The following PRKN variants were observed in gnomAD, a reference collection of about 807,000 sequenced individuals.
PRKN encodes the protein E3 ubiquitin-protein ligase parkin.
In PRKN, 56 loss-of-function variants were observed where a neutral mutation model predicts 59.5. The observed-to-expected ratio is 0.94, with a 90% CI of 0.76 to 1.18. PRKN has a LOEUF of 1.18. Ranked by LOEUF, PRKN falls within the 50% of genes most tolerant of loss-of-function variation. The probability of loss-of-function intolerance (pLI) is 0.00; values close to 1 mark genes in which losing one functional copy is unlikely to be tolerated. For missense variants in PRKN, 657 were observed against 596.4 expected, an observed-to-expected ratio of 1.10 and a Z score of -1.06; for synonymous variants, 250 against 222.1, an observed-to-expected ratio of 1.13 and a Z score of -1.12.
chr6:162,475,974 T>C (rs796834280), intron 1 of PRKN, among the ~76,000 whole-genome samples: 46,558 of 150,838 alleles, frequency 0.31, 7,403 homozygotes, highest in East Asian at 0.48. Context: ...ATGGTCTTGT[T>C]CTCACCTCGT....
chr6:162,304,137 C>A (rs191157151), intron 2 of PRKN, among the ~76,000 whole-genome samples: 1 of 139,188 alleles, frequency 7.2e-6, no homozygotes, highest in East Asian at 1.9e-4. Context: ...TTGGAATAGG[C>A]CTTTTCCTCA....
chr6:161,878,219 G>C (rs750832658), intron 6 of PRKN, among the ~76,000 whole-genome samples: 12 of 152,120 alleles, frequency 7.9e-5, no homozygotes, highest in Non-Finnish European at 1.6e-4. Context: ...GTCAAAAGTA[G>C]AAAGAAATAA....
chr6:162,111,406 A>G (rs1780431751), intron 4 of PRKN, among the ~76,000 whole-genome samples: 1 of 152,118 alleles, frequency 6.6e-6, no homozygotes, highest in Non-Finnish European at 1.5e-5. Flanking sequence ...CAGAGCTTGC[A>G]GTGAGCCGAG....
At position 162,536,446 on chromosome 6, in the gene PRKN, T is replaced by TA. The variant is rs1778723672; in HGVS notation, c.8-92974_8-92973insT. On this transcript the variant is annotated intron_variant, in intron 1 of 11. Coordinates refer to ENST00000366898, the MANE Select transcript of PRKN (RefSeq NM_004562.3). The stretch of plus-strand genomic sequence containing the variant: ...CTGGTGTCATTTTAGCTCTGAGTTA[T>TA]GTATTAAGGTCACCTGCTTTAAAAA... Among the ~76,000 whole-genome samples, 4 of 152,314 alleles carry TA rather than the reference T, an allele frequency of 2.6e-5. No individual in the cohort carries two copies. In the South Asian group the frequency reaches 6.2e-4, roughly 24 times the overall value.
chr6:161,708,809 C>T (rs1166069663), intron 7 of PRKN, among the ~76,000 whole-genome samples: 2 of 152,278 alleles, frequency 1.3e-5, no homozygotes, highest in Non-Finnish European at 2.9e-5. Context: ...GTTTCTAGAG[C>T]CCACATGGCT....
intron 7 of PRKN, among the ~76,000 whole-genome samples, chr6:161,680,773 A>ATTTTTT (rs1486863145): frequency 6.1e-4 from 12 of 19,670 alleles, no homozygotes; most frequent in Non-Finnish European, 7.6e-4. Flanking sequence ...ATATATATAT[A>ATTTTTT]TATTTTTTTT....
chr6:161,387,972 G>A (rs779691595), intron 9 of PRKN, among the ~76,000 whole-genome samples: 3 of 152,288 alleles, frequency 2.0e-5, no homozygotes, highest in South Asian at 2.1e-4. Flanking sequence ...ACCCGCCATC[G>A]TACAAAGAAG....
At chr6:162,374,829 AATAT>A (rs1457272319) in intron 2 of PRKN, among the ~76,000 whole-genome samples, 4 of 152,066 alleles carry the variant, frequency 2.6e-5, no homozygotes, top group African/African-American at 9.7e-5. Context: ...AAGAGTTTGA[AATAT>A]GGTTTCTGGT....
chr6:161,607,117 T>C (rs1421015652), intron 7 of PRKN, among the ~76,000 whole-genome samples: 5 of 152,204 alleles, frequency 3.3e-5, no homozygotes, highest in African/African-American at 1.2e-4. Context: ...GACATTATTG[T>C]AGACTTTCTA....
intron 7 of PRKN, among the ~76,000 whole-genome samples, chr6:161,668,336 A>ACTGG (rs1784794289): frequency 2.6e-5 from 4 of 152,152 alleles, no homozygotes; most frequent in Admixed American, 2.6e-4. Flanking sequence ...GTTCCATGAA[A>ACTGG]CTGGGTACAG....
At chr6:161,620,740 C>T (rs182070937) in intron 7 of PRKN, among the ~76,000 whole-genome samples, 1 of 152,296 alleles carries the variant, frequency 6.6e-6, no homozygotes, top group East Asian at 1.9e-4. Context: ...TTTGAACAAC[C>T]TACAGTCATG....
intron 7 of PRKN, among the ~76,000 whole-genome samples, chr6:161,725,678 G>A (rs754084777): frequency 9.2e-5 from 14 of 152,148 alleles, no homozygotes; most frequent in Non-Finnish European, 1.8e-4. Context: ...GGAGGTACCT[G>A]GAGCCCTGAG....
Position 162,053,855 on chromosome 6 carries a change from A to G in PRKN, c.618+236T>C, listed in dbSNP as rs541634387. On this transcript the variant is annotated intron_variant, in intron 5 of 11. Transcript: ENST00000366898. ...CTTTGCAATGAGTTTAAATTGGCAC[A>G]TTTCCACACGGTCCCCCCAAATGAT... Among the ~76,000 whole-genome samples the G allele has an allele frequency of 8.5e-5, 13 of 152,234 alleles. No homozygotes were observed. In the East Asian group the frequency reaches 2.3e-3, roughly 27 times the overall value.
At chr6:161,798,098 G>C (rs1790926860) in intron 6 of PRKN, among the ~76,000 whole-genome samples, 1 of 152,196 alleles carries the variant, frequency 6.6e-6, no homozygotes, top group Non-Finnish European at 1.5e-5. Flanking sequence ...CTACTTGGGA[G>C]GCTAAGGCGG....
chr6:162,710,713 C>T (rs2128238599), intron 1 of PRKN, among the ~76,000 whole-genome samples: 1 of 152,120 alleles, frequency 6.6e-6, no homozygotes, highest in East Asian at 1.9e-4. Context: ...CTGCAGAGGC[C>T]CCTGCCCACT....
chr6:162,098,671 T>C (rs575385808), intron 4 of PRKN, among the ~76,000 whole-genome samples: 1 of 152,250 alleles, frequency 6.6e-6, no homozygotes, highest in Non-Finnish European at 1.5e-5. Context: ...TATATTTTAC[T>C]CTTAATCTAA....
At chr6:161,922,707 C>A (rs1007998123) in intron 6 of PRKN, among the ~76,000 whole-genome samples, 2 of 152,066 alleles carry the variant, frequency 1.3e-5, no homozygotes, top group Non-Finnish European at 1.5e-5. Context: ...TACCATGTAA[C>A]CTGTAATGAG....
chr6:161,762,015 A>G (rs1583122950), intron 7 of PRKN, among the ~76,000 whole-genome samples: 1 of 152,320 alleles, frequency 6.6e-6, no homozygotes, highest in South Asian at 2.1e-4. Flanking sequence ...GAGAGTGGGC[A>G]GGCAGTTCAG....
intron 5 of PRKN, among the ~76,000 whole-genome samples, chr6:162,034,377 C>T (rs1482606606): frequency 6.6e-6 from 1 of 152,092 alleles, no homozygotes; most frequent in Non-Finnish European, 1.5e-5. Context: ...GCTGGTAAAA[C>T]AGCTAGAAAC....
Sources: allele counts gnomAD v4.1 joint callset (sites outside exome capture counted in the v4.1 genomes callset), GRCh38; gene constraint gnomAD v4.1.1; transcripts MANE v1.5; gene names NCBI Gene and HGNC (gene_info 2026-07-23, HGNC 2026-07-21).